SPATA13: variants seen among roughly 807,000 people sequenced by gnomAD.
The protein encoded by SPATA13 is spermatogenesis-associated protein 13.
A neutral mutation model predicts 104.0 loss-of-function variants in SPATA13; 50 were observed. The ratio of observed to expected loss-of-function variants is 0.48; its 90% CI spans 0.38 to 0.61. SPATA13 has a LOEUF of 0.61. Among genes scored for constraint, SPATA13 ranks in the 20% least tolerant of loss-of-function variants. SPATA13 has a pLI of 0.00. For missense variants in SPATA13, 1,524 were observed against 1,690.6 expected (o/e 0.90, Z 1.73); for synonymous variants, 606 against 667.5 (o/e 0.91, Z 1.42).
intron 2 of SPATA13, among the ~76,000 whole-genome samples, chr13:24,232,098 A>G (rs138769628): frequency 1.3e-5 from 2 of 152,256 alleles, no homozygotes; most frequent in African/African-American, 4.8e-5. Flanking sequence ...ATTAAGGCCA[A>G]GTACCAAGAT....
At chr13:24,164,178 A>G (rs1882626365) in intron 1 of SPATA13, among the ~76,000 whole-genome samples, 1 of 152,210 alleles carries the variant, frequency 6.6e-6, no homozygotes, top group East Asian at 1.9e-4. Context: ...AGAGAAATGC[A>G]TTGGTACAAA....
At chr13:24,058,576 G>A (rs1325001251) in intron 3 of SPATA13, among the ~76,000 whole-genome samples, 2 of 151,826 alleles carry the variant, frequency 1.3e-5, no homozygotes, top group Admixed American at 1.3e-4. Context: ...TCTAGCAGAG[G>A]AAATTACTAA....
intron 3 of SPATA13, chr13:24,251,458 T>C (rs1873473378): frequency 1.0e-5 from 10 of 985,326 alleles, no homozygotes; most frequent in Non-Finnish European, 1.2e-5. Context: ...TTCCTTAGTG[T>C]GACCTATTGG....
Position 24,088,104 on chromosome 13 carries a change from A to G in SPATA13, c.-112+70403A>G, listed in dbSNP as rs1593321567. On this transcript the variant is annotated intron_variant, in intron 3 of 14. Coordinates refer to the SPATA13 transcript ENST00000424834. The surrounding 1 kb of genome is among the most constrained non-coding windows in gnomAD (Gnocchi z 4.3). Reference sequence around the variant, plus strand: ...GCTGAGATGAAAGTCCTGGGGTCACACACTTCTGGACTTGTGGTCCTCACT... The same window carrying G: ...GCTGAGATGAAAGTCCTGGGGTCACGCACTTCTGGACTTGTGGTCCTCACT... Among the ~76,000 whole-genome samples, 2 of 152,208 alleles carry G rather than the reference A, an allele frequency of 1.3e-5. No individual in the cohort carries two copies. The highest frequency in any genetic ancestry group is 4.8e-5 in the African/African-American group (2 of 41,436).
At chr13:24,258,970 G>A (rs1566177246) in intron 4 of SPATA13, among the ~76,000 whole-genome samples, 1 of 152,160 alleles carries the variant, frequency 6.6e-6, no homozygotes, top group Non-Finnish European at 1.5e-5. Context: ...CTAGCCACTG[G>A]GGAGCAAGGT....
intron 3 of SPATA13, among the ~76,000 whole-genome samples, chr13:24,104,525 A>T (rs944073587): frequency 2.6e-5 from 4 of 152,208 alleles, no homozygotes; most frequent in African/African-American, 9.6e-5. Flanking sequence ...ATCTTCGTGG[A>T]TAGATACAAG....
chr13:24,157,642 C>A (rs117855043), upstream of SPATA13, among the ~76,000 whole-genome samples: 5 of 152,108 alleles, frequency 3.3e-5, no homozygotes, highest in Non-Finnish European at 7.4e-5. Context: ...GGAAGCCATA[C>A]GGGTTACTTT....
intron 2 of SPATA13, among the ~76,000 whole-genome samples, chr13:24,002,603 T>C (rs1030094011): frequency 6.6e-6 from 1 of 152,114 alleles, no homozygotes; most frequent in African/African-American, 2.4e-5. Flanking sequence ...CTGGTTGGAC[T>C]GACTAGACTG....
At chr13:24,044,233 C>CT (rs67709070) in intron 3 of SPATA13, among the ~76,000 whole-genome samples, 42,217 of 122,670 alleles carry the variant, frequency 0.34, 8,434 homozygotes, top group East Asian at 0.49. Context: ...TTCTTTCTTT[C>CT]TTTTTTTTTT....
Position 24,235,703 on chromosome 13 carries a change from G to A in SPATA13, c.1653+11121G>A, listed in dbSNP as rs8002376. Among the ~76,000 whole-genome samples the A allele has an allele frequency of 2.5e-3, 377 of 152,338 alleles. 1 individual carries two copies. The highest frequency in any genetic ancestry group is 8.0e-3 in the African/African-American group (334 of 41,576). On this transcript the variant is annotated intron_variant, in intron 2 of 12. Transcript: ENST00000382108. ...GCCTAGGAGATCGAGGCCACAGTGA[G>A]TTATGATTGCACCACTTCACTTCAG...
At chr13:24,260,208 G>A (rs962273569) in intron 4 of SPATA13, among the ~76,000 whole-genome samples, 6 of 152,348 alleles carry the variant, frequency 3.9e-5, no homozygotes, top group African/African-American at 1.4e-4. Flanking sequence ...GACCTCAAAT[G>A]AGGCTTTAGG....
intron 3 of SPATA13, among the ~76,000 whole-genome samples, chr13:24,060,446 A>G (rs192729455): frequency 2.0e-5 from 3 of 152,258 alleles, no homozygotes; most frequent in African/African-American, 4.8e-5. Flanking sequence ...GAGGGATTAA[A>G]AACTTAAATG....
chr13:24,068,871 G>T (rs61945461), intron 3 of SPATA13, among the ~76,000 whole-genome samples: 1 of 152,000 alleles, frequency 6.6e-6, no homozygotes, highest in Admixed American at 6.6e-5. Context: ...GTTTTTTCTT[G>T]TAAATGTGTT....
intron 3 of SPATA13, among the ~76,000 whole-genome samples, chr13:24,055,125 T>C (rs1878494192): frequency 6.6e-6 from 1 of 152,248 alleles, no homozygotes; most frequent in South Asian, 2.1e-4. Context: ...TTTACATATA[T>C]GGCACAGAGC....
chr13:24,213,786 A>T (rs1401618800), intron 1 of SPATA13, among the ~76,000 whole-genome samples: 1 of 152,252 alleles, frequency 6.6e-6, no homozygotes, highest in African/African-American at 2.4e-5. Flanking sequence ...GAAGGGGAAG[A>T]TGATACGAGA....
At chr13:24,173,513 T>C (rs1459473642) in intron 1 of SPATA13, among the ~76,000 whole-genome samples, 40 of 109,546 alleles carry the variant, frequency 3.7e-4, no homozygotes, top group East Asian at 3.6e-3. Flanking sequence ...TCCCCCAACT[T>C]TTTTTTTTTT....
chr13:24,271,601 C>G (rs778405483), intron 4 of SPATA13, among the ~76,000 whole-genome samples: 2 of 152,152 alleles, frequency 1.3e-5, no homozygotes, highest in Non-Finnish European at 2.9e-5. Flanking sequence ...CACTAGGAAG[C>G]CATAAACTCT....
intron 7 of SPATA13, 79 bp from the exon 8 acceptor site, chr13:24,288,920 T>C: frequency 7.8e-7 from 1 of 1,288,606 alleles, no homozygotes; most frequent in South Asian, 1.6e-5. Context: ...AGTTCATGGC[T>C]TTAGGCCTAC....
At chr13:24,049,728 A>G (rs1332561516) in intron 3 of SPATA13, among the ~76,000 whole-genome samples, 2 of 152,174 alleles carry the variant, frequency 1.3e-5, no homozygotes, top group Non-Finnish European at 2.9e-5. Context: ...GTTTGTCAGC[A>G]AGGCATGTGC....
Sources: gnomAD v4.1 joint callset for allele counts (sites outside exome capture counted in the v4.1 genomes callset) on GRCh38, gnomAD v4.1.1 for gene constraint, Gnocchi (gnomAD v3.1) non-coding constraint, MANE v1.5 for transcripts, NCBI Gene and HGNC (gene_info 2026-07-23, HGNC 2026-07-21) for gene names.